The following ELMO1 variants were observed in gnomAD, a reference collection of about 807,000 sequenced individuals.
ELMO1 encodes the protein engulfment and cell motility 1, also known as engulfment and cell motility protein 1.
In ELMO1, 26 loss-of-function variants were observed where a neutral mutation model predicts 98.9. That is an observed-to-expected ratio of 0.26 (90% CI 0.19 to 0.36). The LOEUF (loss-of-function observed/expected upper bound fraction) is 0.36. Among genes scored for constraint, ELMO1 ranks in the 10% least tolerant of loss-of-function variants. ELMO1 has a pLI of 1.00. For missense variants in ELMO1, 627 were observed against 935.2 expected, an observed-to-expected ratio of 0.67 and a Z score of 4.30; for synonymous variants, 346 against 346.0, an observed-to-expected ratio of 1.00 and a Z score of 0.00.
At chr7:37,159,808 G>A (rs1297806875) in intron 13 of ELMO1, among the ~76,000 whole-genome samples, 1 of 152,204 alleles carries the variant, frequency 6.6e-6, no homozygotes, top group African/African-American at 2.4e-5. Flanking sequence ...AACTACACCT[G>A]TAATGTGCTA....
intron 14 of ELMO1, among the ~76,000 whole-genome samples, chr7:37,125,489 C>G (rs556176182): frequency 1.3e-5 from 2 of 152,334 alleles, no homozygotes; most frequent in East Asian, 3.9e-4. Context: ...TATGAACAGA[C>G]ACTTCTCAAA....
chr7:37,060,804 T>C (rs1413872321), intron 15 of ELMO1, among the ~76,000 whole-genome samples: 2 of 152,098 alleles, frequency 1.3e-5, no homozygotes, highest in Non-Finnish European at 1.5e-5. Flanking sequence ...TAAATTAATT[T>C]GTCAAAAATT....
At chr7:37,271,155 G>C (rs573525554) in intron 5 of ELMO1, 1 of 152,476 alleles carries the variant, frequency 6.6e-6, no homozygotes, top group African/African-American at 2.4e-5. Flanking sequence ...TAGCCAAGAT[G>C]GTCTTGATCT....
intron 13 of ELMO1, among the ~76,000 whole-genome samples, chr7:37,152,535 C>T (rs754462766): frequency 6.6e-6 from 1 of 151,626 alleles, no homozygotes; most frequent in Non-Finnish European, 1.5e-5. Context: ...TTTTGTACAG[C>T]AATGATCAAA....
At chr7:36,988,467 C>A (rs1791659535) in intron 16 of ELMO1, among the ~76,000 whole-genome samples, 1 of 152,170 alleles carries the variant, frequency 6.6e-6, no homozygotes, top group Non-Finnish European at 1.5e-5. Flanking sequence ...GCTAGTGATA[C>A]AACAAACTGA....
intron 16 of ELMO1, among the ~76,000 whole-genome samples, chr7:36,972,330 A>G (rs1790040083): frequency 6.6e-6 from 1 of 152,242 alleles, no homozygotes; most frequent in Non-Finnish European, 1.5e-5. Flanking sequence ...CACAGCTAGA[A>G]GAAACAGAAG....
chr7:37,022,462 T>C (rs1794325688), intron 15 of ELMO1, among the ~76,000 whole-genome samples: 2 of 152,086 alleles, frequency 1.3e-5, no homozygotes, highest in South Asian at 4.1e-4. Context: ...AAGTGGCCAA[T>C]GAACACATGA....
At chr7:37,073,622 G>A (rs1372960284) in intron 15 of ELMO1, among the ~76,000 whole-genome samples, 5 of 151,130 alleles carry the variant, frequency 3.3e-5, no homozygotes, top group Non-Finnish European at 5.9e-5. Context: ...TTAGAGACAG[G>A]GTCTTGCTCT....
chr7:37,294,960 T>C (rs879866825), intron 4 of ELMO1, among the ~76,000 whole-genome samples: 6 of 150,502 alleles, frequency 4.0e-5, no homozygotes, highest in Admixed American at 4.0e-4. Flanking sequence ...CAATCCGCCA[T>C]CGCACTCCAG....
At chr7:36,979,035 A>G (rs1790821248) in intron 16 of ELMO1, among the ~76,000 whole-genome samples, 1 of 152,192 alleles carries the variant, frequency 6.6e-6, no homozygotes, top group African/African-American at 2.4e-5. Flanking sequence ...GCGAAACCTA[A>G]ATCTTACTTG....
chr7:37,228,551 C>A (rs1793991749), intron 8 of ELMO1, among the ~76,000 whole-genome samples: 1 of 152,142 alleles, frequency 6.6e-6, no homozygotes. Context: ...CCTTGTACTG[C>A]TCATTCATTT....
intron 5 of ELMO1, among the ~76,000 whole-genome samples, chr7:37,264,270 A>G (rs1796132684): frequency 6.6e-6 from 1 of 151,732 alleles, no homozygotes; most frequent in Non-Finnish European, 1.5e-5. Flanking sequence ...TGAATGTACA[A>G]ATGAATACAC....
intron 15 of ELMO1, among the ~76,000 whole-genome samples, chr7:37,086,309 C>A (rs1470052985): frequency 6.7e-6 from 1 of 149,572 alleles, no homozygotes; most frequent in Non-Finnish European, 1.5e-5. Context: ...CTAAAAGAAA[C>A]ATTTTTGTAA....
rs751749832 is a variant in ELMO1 at position 37,376,083 on chromosome 7, G to GAACA, written c.-73-33324_-73-33321dup. ...ACAGCCAAAAAAACTTTAAAAAAAT[G>GAACA]AACAAACAAACAAACAAAAAAAACA... On this transcript the variant is annotated intron_variant, in intron 1 of 21. Transcript: ENST00000310758. 22 of 349,958 alleles carry GAACA rather than the reference G, an allele frequency of 6.3e-5. No individual in the cohort carries two copies. In the East Asian group the frequency reaches 9.6e-4, roughly 15 times the overall value. 21.7% of individuals were successfully genotyped at this position (349,958 alleles called of 1,614,324 possible).
At chr7:37,002,228 A>G (rs182946339) in intron 16 of ELMO1, 1 of 152,382 alleles carries the variant, frequency 6.6e-6, no homozygotes, top group East Asian at 1.9e-4. Flanking sequence ...GCCCAGCTCA[A>G]TCACTTGAGC....
chr7:37,341,221 C>T (rs762807609), intron 2 of ELMO1, among the ~76,000 whole-genome samples: 13 of 152,164 alleles, frequency 8.5e-5, no homozygotes, highest in African/African-American at 2.9e-4. Flanking sequence ...CATGCCACTG[C>T]GGGGCATTCA....
chr7:36,887,418 A>C (rs1230576989), intron 18 of ELMO1, 142 bp downstream of exon 18: 2 of 656,136 alleles, frequency 3.0e-6, no homozygotes, highest in African/African-American at 3.7e-5. Context: ...CATGGGAACC[A>C]GAAACGACCT....
intron 13 of ELMO1, among the ~76,000 whole-genome samples, chr7:37,167,989 A>G (rs1348734405): frequency 6.6e-6 from 1 of 151,942 alleles, no homozygotes; most frequent in African/African-American, 2.4e-5. Flanking sequence ...TCAGACGTAG[A>G]TTTGGTCTTT....
intron 16 of ELMO1, among the ~76,000 whole-genome samples, chr7:37,010,096 G>C (rs140269083): frequency 1.3e-5 from 2 of 152,102 alleles, no homozygotes; most frequent in South Asian, 4.2e-4. Flanking sequence ...TAGTGGAGGC[G>C]GAACAGGGCC....
Sources: allele counts gnomAD v4.1 joint callset (sites outside exome capture counted in the v4.1 genomes callset), GRCh38; gene constraint gnomAD v4.1.1; transcripts MANE v1.5; gene names NCBI Gene and HGNC (gene_info 2026-07-23, HGNC 2026-07-21).